The following MEF2C variants were observed in gnomAD, a reference collection of about 807,000 sequenced individuals.
MEF2C encodes myocyte-specific enhancer factor 2C.
In MEF2C, 6 loss-of-function variants were observed where a neutral mutation model predicts 50.5. That is an observed-to-expected ratio of 0.12 (90% CI 0.07 to 0.23). The LOEUF (loss-of-function observed/expected upper bound fraction) is 0.23. Among genes scored for constraint, MEF2C ranks in the 10% least tolerant of loss-of-function variants. The pLI, the probability that MEF2C is intolerant of heterozygous loss-of-function variation, is 1.00. For missense variants in MEF2C, 276 were observed against 605.0 expected (o/e 0.46, Z 5.70); for synonymous variants, 183 against 228.0 (o/e 0.80, Z 1.78).
intron 3 of MEF2C, among the ~76,000 whole-genome samples, chr5:88,766,041 C>T (rs574421330): frequency 5.9e-5 from 9 of 152,152 alleles, no homozygotes; most frequent in Non-Finnish European, 1.2e-4. Flanking sequence ...CAGAAGGTGA[C>T]ATATTCCAAG....
intron 6 of MEF2C, chr5:88,740,170 A>C (rs1205648702): frequency 2.0e-6 from 2 of 984,350 alleles, no homozygotes; most frequent in East Asian, 2.3e-4. Flanking sequence ...GAGCTTCAGG[A>C]ATTTCATATC....
chr5:88,844,141 G>T (rs896118113), intron 1 of MEF2C, among the ~76,000 whole-genome samples: 1 of 152,118 alleles, frequency 6.6e-6, no homozygotes. Flanking sequence ...AGTAAAAGTG[G>T]TAAAATTTAA....
chr5:88,721,554 A>C lies in MEF2C; in HGVS notation c.*1050T>G, dbSNP rs978995647. 6.6e-6 allele frequency: 1 copy of C among 152,616 alleles called. No homozygotes were observed. The highest frequency in any genetic ancestry group is 2.4e-5 in the African/African-American group (1 of 41,458). 9.5% of individuals were successfully genotyped at this position (152,616 alleles called of 1,614,324 possible). ...ACAAATATACCCCCCTCCCGCTATT[A>C]AGATAACAAAACTTCTGCTATTACC... On this transcript the variant is annotated 3_prime_UTR_variant, in exon 11 of 11. Transcript: ENST00000504921.
At chr5:88,784,211 GCTTT>G (rs1228470967) in intron 3 of MEF2C, among the ~76,000 whole-genome samples, 2 of 152,048 alleles carry the variant, frequency 1.3e-5, no homozygotes, top group African/African-American at 2.4e-5. Flanking sequence ...CATTATTTTG[GCTTT>G]CTATTACAGA....
In MEF2C at chr5:88,818,638, G is replaced by A. The variant is rs537010231; in HGVS notation, c.54+5097C>T. On this transcript the variant is annotated intron_variant, in intron 2 of 10. Coordinates refer to ENST00000504921, the MANE Select transcript of MEF2C (RefSeq NM_002397.5). ...TCCTTGTCATAAATCCTCTGCAAACGTCCTGTGTGATCTTTCCTTCTTGTC... is the reference window on the plus strand; with the variant it reads ...TCCTTGTCATAAATCCTCTGCAAACATCCTGTGTGATCTTTCCTTCTTGTC... Among the ~76,000 whole-genome samples the A allele has an allele frequency of 3.5e-4, 53 of 152,002 alleles. 1 individual carries two copies. The Middle Eastern group carries it at 0.01, about 29-fold the overall frequency.
chr5:88,823,720 G>C lies in MEF2C; in HGVS notation c.54+15C>G, dbSNP rs746084666. 6.3e-7 allele frequency: 1 copy of C among 1,593,696 alleles called. No homozygotes were observed. The highest frequency in any genetic ancestry group is 2.3e-5 in the East Asian group (1 of 44,380). On this transcript the variant is annotated intron_variant, in intron 2 of 10. Transcript: ENST00000504921. ...ATTAATAAATAATGATACAAAAAAA[G>C]TTTACTCCACTCACCTGTCTGTTAC...
intron 2 of MEF2C, among the ~76,000 whole-genome samples, chr5:88,818,738 C>A (rs1447264499): frequency 6.6e-6 from 1 of 152,080 alleles, no homozygotes; most frequent in African/African-American, 2.4e-5. Flanking sequence ...CTTCTGAAGG[C>A]TCCTTTGTGC....
rs1285665280 is a variant in MEF2C, at chr5:88,722,177, G to A, written c.*427C>T. 3 of 164,808 alleles carry A rather than the reference G, an allele frequency of 1.8e-5. No homozygotes were observed. Among genetic ancestry groups the A allele is most frequent in the African/African-American group, 4.8e-5 (2 of 41,566 alleles). The allele number at this position is 164,808 out of a possible 1,614,324, so 10.2% of individuals were successfully genotyped here. On this transcript the variant is annotated 3_prime_UTR_variant, in exon 11 of 11. Transcript: ENST00000504921. ...GCCACCCATTACCGGGTCTGTCCAA[G>A]CATCTATACATTTTTCTATATGTTG...
chr5:88,858,360 A>C (rs1454971694), intron 1 of MEF2C, among the ~76,000 whole-genome samples: 2 of 152,212 alleles, frequency 1.3e-5, no homozygotes, highest in African/African-American at 2.4e-5. Context: ...ACCCTTAAAG[A>C]AGCAAGACTC....
intron 5 of MEF2C, 188 bp from the exon 6 acceptor site, chr5:88,749,305 A>T: frequency 2.1e-6 from 2 of 968,414 alleles, no homozygotes; most frequent in Non-Finnish European, 2.5e-6. Flanking sequence ...AAATACATTC[A>T]ATCACTGACA....
chr5:88,741,783 G>A, intron 6 of MEF2C: 1 of 984,938 alleles, frequency 1.0e-6, no homozygotes, highest in Non-Finnish European at 1.2e-6. Context: ...TAAAAAGAAG[G>A]CATAATGTCT....
At chr5:88,859,734 T>C (rs1469718655) in intron 1 of MEF2C, among the ~76,000 whole-genome samples, 1 of 152,244 alleles carries the variant, frequency 6.6e-6, no homozygotes, top group African/African-American at 2.4e-5. Context: ...ACATGACAGA[T>C]GTAAAGCTAA....
At chr5:88,861,007 G>T (rs1042817204) in intron 1 of MEF2C, among the ~76,000 whole-genome samples, 1 of 152,026 alleles carries the variant, frequency 6.6e-6, no homozygotes, top group African/African-American at 2.4e-5. Context: ...TAGAAATGCC[G>T]ATAATTTAGA....
At chr5:88,840,167 A>G (rs1816812118) in intron 1 of MEF2C, among the ~76,000 whole-genome samples, 1 of 152,064 alleles carries the variant, frequency 6.6e-6, no homozygotes, top group Non-Finnish European at 1.5e-5. Flanking sequence ...GAGCAACATA[A>G]CCTTCCTCAG....
chr5:88,860,767 AT>A (rs913938801), intron 1 of MEF2C, among the ~76,000 whole-genome samples: 1 of 151,998 alleles, frequency 6.6e-6, no homozygotes, highest in Non-Finnish European at 1.5e-5. Context: ...TGAAAGGTAC[AT>A]TTTTCCCCCT....
intron 4 of MEF2C, among the ~76,000 whole-genome samples, chr5:88,758,211 A>G (rs1776242844): frequency 6.6e-6 from 1 of 152,112 alleles, no homozygotes; most frequent in South Asian, 2.1e-4. Flanking sequence ...CTCTCTTCAC[A>G]GCCCATTATT....
At chr5:88,723,022 A>T in intron 10 of MEF2C, 97 bp from the exon 11 acceptor site, 7 of 1,070,926 alleles carry the variant, frequency 6.5e-6, no homozygotes, top group Non-Finnish European at 9.2e-6. Flanking sequence ...ACTCGCATAG[A>T]CACCAGAGCA....
intron 2 of MEF2C, among the ~76,000 whole-genome samples, chr5:88,805,206 T>G (rs1562136857): frequency 6.6e-6 from 1 of 152,226 alleles, no homozygotes; most frequent in Non-Finnish European, 1.5e-5. Flanking sequence ...ACTTAGCATT[T>G]TAGATCTGTG....
upstream of MEF2C, among the ~76,000 whole-genome samples, chr5:88,886,753 C>T (rs1345181972): frequency 1.3e-5 from 2 of 151,956 alleles, no homozygotes; most frequent in African/African-American, 2.4e-5. Flanking sequence ...ACTTGTTTTT[C>T]CCTCAAAAGA....
Sources: gnomAD v4.1 joint callset for allele counts (sites outside exome capture counted in the v4.1 genomes callset) on GRCh38, gnomAD v4.1.1 for gene constraint, MANE v1.5 for transcripts, NCBI Gene and HGNC (gene_info 2026-07-23, HGNC 2026-07-21) for gene names.